Variants in TYW1 observed in about 807,000 individuals in gnomAD.
TYW1 encodes tRNA-yW synthesizing protein 1 homolog, also known as S-adenosyl-L-methionine-dependent tRNA 4-demethylwyosine synthase TYW1.
TYW1 carries 46 observed loss-of-function variants against 96.2 expected under a neutral mutation model. The ratio of observed to expected loss-of-function variants is 0.48; its 90% CI spans 0.38 to 0.61. The LOEUF is 0.61. TYW1 is among the 20% of genes least tolerant of loss of function. The probability of loss-of-function intolerance (pLI) is 0.00; values close to 1 mark genes in which losing one functional copy is unlikely to be tolerated. For missense variants in TYW1, 684 were observed against 909.6 expected, an observed-to-expected ratio of 0.75 and a Z score of 3.19; for synonymous variants, 274 against 323.0, an observed-to-expected ratio of 0.85 and a Z score of 1.63.
chr7:67,027,446 G>T (rs1302835164), intron 7 of TYW1, among the ~76,000 whole-genome samples: 1 of 151,934 alleles, frequency 6.6e-6, no homozygotes, highest in Non-Finnish European at 1.5e-5. Context: ...ATGGATTATT[G>T]TATAACCTGG....
At chr7:67,134,167 A>G (rs1417401341) in intron 13 of TYW1, among the ~76,000 whole-genome samples, 1 of 152,114 alleles carries the variant, frequency 6.6e-6, no homozygotes, top group Non-Finnish European at 1.5e-5. Context: ...GATTAATATA[A>G]TAATTCATGC....
intron 13 of TYW1, among the ~76,000 whole-genome samples, chr7:67,150,756 T>A (rs1157280821): frequency 6.6e-6 from 1 of 151,854 alleles, no homozygotes; most frequent in African/African-American, 2.4e-5. Context: ...GTCCTGTGTT[T>A]GTGCATAGTA....
At chr7:67,138,839 TA>T (rs887925803) in intron 13 of TYW1, among the ~76,000 whole-genome samples, 62 of 152,020 alleles carry the variant, frequency 4.1e-4, no homozygotes, top group African/African-American at 1.5e-3. Flanking sequence ...AGTACTCCAT[TA>T]TATATAAATA....
intron 13 of TYW1, among the ~76,000 whole-genome samples, chr7:67,132,587 T>C (rs2116062245): frequency 6.6e-6 from 1 of 152,326 alleles, no homozygotes; most frequent in East Asian, 1.9e-4. Flanking sequence ...CATTTTAAAG[T>C]GTACAGTTCA....
At chr7:67,003,358 A>G (rs1793467865) in intron 3 of TYW1, among the ~76,000 whole-genome samples, 1 of 151,820 alleles carries the variant, frequency 6.6e-6, no homozygotes, top group South Asian at 2.1e-4. Flanking sequence ...TTAAGAATAG[A>G]TTCAGTTTCC....
chr7:67,049,896 T>C (rs1357207891), intron 7 of TYW1, 53 bp from the exon 8 acceptor site: 4 of 1,606,250 alleles, frequency 2.5e-6, no homozygotes, highest in Non-Finnish European at 2.6e-6. Flanking sequence ...TGTGCTGTTA[T>C]TTACATTGCA....
intron 10 of TYW1, among the ~76,000 whole-genome samples, chr7:67,077,421 A>T (rs1400373212): frequency 6.6e-6 from 1 of 152,308 alleles, no homozygotes; most frequent in East Asian, 1.9e-4. Context: ...TTATTTGATA[A>T]TAGTCATTTT....
In TYW1 at chr7:67,177,998, A is replaced by AG. The variant is rs1318500386; in HGVS notation, c.1699-5128_1699-5127insG. On this transcript the variant is annotated intron_variant, in intron 13 of 15. Transcript: ENST00000359626. ...GTGAGAGCCTGTCTCTACAGAAAAA[A>AG]AAAAAGAAAAAAAAAAAAAGCTAGG... 5.7e-3 allele frequency among the ~76,000 whole-genome samples: 756 copies of AG among 132,254 alleles called. 8 individuals are homozygous for AG. Among genetic ancestry groups the AG allele is most frequent in the African/African-American group, 0.021 (697 of 32,684 alleles). The allele number at this position is 132,254 out of a possible 152,430, so 86.8% of individuals were successfully genotyped here. A position where few individuals can be genotyped will look rare whatever the true frequency, so the allele number is the denominator to read the frequency against.
At chr7:67,097,742 G>C (rs1796963546) in intron 11 of TYW1, among the ~76,000 whole-genome samples, 1 of 151,794 alleles carries the variant, frequency 6.6e-6, no homozygotes, top group South Asian at 2.1e-4. Flanking sequence ...ATCCAGGCTG[G>C]AGTGCAGTGG....
chr7:67,099,301 G>A (rs569539496), intron 12 of TYW1, among the ~76,000 whole-genome samples: 1 of 152,254 alleles, frequency 6.6e-6, no homozygotes, highest in Admixed American at 6.5e-5. Context: ...GAAAGTGCTG[G>A]CATTACAGGT....
chr7:67,009,207 C>T (rs1047325745), intron 3 of TYW1, among the ~76,000 whole-genome samples: 2 of 152,078 alleles, frequency 1.3e-5, no homozygotes, highest in Non-Finnish European at 2.9e-5. Context: ...GATGAGGTCT[C>T]ACTTTGTTGT....
intron 13 of TYW1, among the ~76,000 whole-genome samples, chr7:67,179,556 A>T (rs545036093): frequency 7.4e-6 from 1 of 135,466 alleles, no homozygotes; most frequent in South Asian, 2.4e-4. Context: ...CTATTTTGTG[A>T]GATTTGTTGT....
In TYW1 at chr7:67,066,028, CA is replaced by C. The variant is rs1459470585; in HGVS notation, c.1156-1256del. Among the ~76,000 whole-genome samples, 49 of 110,152 alleles carry C rather than the reference CA, an allele frequency of 4.4e-4. No homozygotes were observed. The East Asian group carries it at 6.1e-3, about 14-fold the overall frequency. 72.3% of individuals were successfully genotyped at this position (110,152 alleles called of 152,430 possible). A position where few individuals can be genotyped will look rare whatever the true frequency, so the allele number is the denominator to read the frequency against. On this transcript the variant is annotated intron_variant, in intron 9 of 15. Coordinates refer to ENST00000359626, the MANE Select transcript of TYW1 (RefSeq NM_018264.4). ...ACACACACACACACACACACACACACACACCCACACCCCTATACACGTGTAA... is the reference window on the plus strand; with the variant it reads ...ACACACACACACACACACACACACACCACCCACACCCCTATACACGTGTAA...
chr7:66,998,260 A>G, intron 2 of TYW1, 65 bp downstream of exon 2: 2 of 1,534,052 alleles, frequency 1.3e-6, no homozygotes, highest in South Asian at 1.3e-5. Flanking sequence ...GGATTTAAAT[A>G]CTAAAAGGAA....
At chr7:67,142,071 G>C (rs1292559507) in intron 13 of TYW1, among the ~76,000 whole-genome samples, 1 of 151,520 alleles carries the variant, frequency 6.6e-6, no homozygotes, top group Non-Finnish European at 1.5e-5. Flanking sequence ...TGAATACATT[G>C]CTTGGCACAT....
At chr7:67,079,171 G>GGTGTGTGTGTGT (rs55931505) in intron 10 of TYW1, among the ~76,000 whole-genome samples, 155 of 148,902 alleles carry the variant, frequency 1.0e-3, no homozygotes, top group East Asian at 4.4e-3. Flanking sequence ...TCGTGTGAGA[G>GGTGTGTGTGTGT]GTGTGTGTGT....
chr7:67,180,424 A>ATATATAT (rs1341437613), intron 13 of TYW1, among the ~76,000 whole-genome samples: 4 of 81,900 alleles, frequency 4.9e-5, no homozygotes, highest in Admixed American at 1.2e-4. Context: ...ATATATATAT[A>ATATATAT]ATTTTTTTTT....
chr7:67,230,492 C>T (rs1246941167), intron 15 of TYW1, among the ~76,000 whole-genome samples: 2 of 151,936 alleles, frequency 1.3e-5, no homozygotes, highest in Admixed American at 6.6e-5. Context: ...TCCTTGTACC[C>T]TCCTCAAACA....
chr7:67,036,065 G>GCAT (rs1794833953), intron 7 of TYW1, among the ~76,000 whole-genome samples: 1 of 144,252 alleles, frequency 6.9e-6, no homozygotes, highest in Non-Finnish European at 1.5e-5. Context: ...TTGAGGTTTA[G>GCAT]CATCAGTCTT....
Sources: allele counts gnomAD v4.1 joint callset (sites outside exome capture counted in the v4.1 genomes callset), GRCh38; gene constraint gnomAD v4.1.1; transcripts MANE v1.5; gene names NCBI Gene and HGNC (gene_info 2026-07-23, HGNC 2026-07-21).